ATL3: variants seen among roughly 807,000 people sequenced by gnomAD.
ATL3 encodes atlastin-3.
In ATL3, 49 loss-of-function variants were observed where a neutral mutation model predicts 69.5. That is an observed-to-expected ratio of 0.71 (90% confidence interval 0.56 to 0.89). ATL3 has a LOEUF of 0.89. ATL3 is among the 40% of genes least tolerant of loss of function. ATL3 has a pLI of 0.00. For synonymous variants in ATL3, 214 were observed against 224.1 expected, an observed-to-expected ratio of 0.95 and a Z score of 0.40; for missense variants, 606 against 645.7, an observed-to-expected ratio of 0.94 and a Z score of 0.67.
intron 5 of ATL3, among the ~76,000 whole-genome samples, chr11:63,647,837 TAGAC>T (rs1316949880): frequency 6.6e-6 from 1 of 152,112 alleles, no homozygotes; most frequent in Non-Finnish European, 1.5e-5. Flanking sequence ...GGATGGAAAA[TAGAC>T]AAATGAGAAC....
At chr11:63,630,522 G>A (rs1939276770) in intron 12 of ATL3, among the ~76,000 whole-genome samples, 1 of 151,850 alleles carries the variant, frequency 6.6e-6, no homozygotes, top group South Asian at 2.1e-4. Context: ...TTTGGGCTGG[G>A]CACGGTGGCT....
chr11:63,645,469 G>A (rs1269754812), intron 6 of ATL3, among the ~76,000 whole-genome samples: 1 of 152,022 alleles, frequency 6.6e-6, no homozygotes, highest in African/African-American at 2.4e-5. Flanking sequence ...TAATCCCATT[G>A]ACTGAGGCTG....
In ATL3 at chr11:63,631,022, T is replaced by C. The variant is rs997195989; in HGVS notation, c.1539+18A>G. The C allele has an allele frequency of 6.4e-7, 1 of 1,553,002 alleles. No individual in the cohort carries two copies. The highest frequency in any genetic ancestry group is 2.2e-5 in the East Asian group (1 of 44,660). ...CTGCCCATTATCAACCCTCAGGCTC[T>C]TCAGCAGCACCACTTACCTGCTCCA... On this transcript the variant is annotated intron_variant, in intron 12 of 12. Coordinates refer to ENST00000398868, the MANE Select transcript of ATL3 (RefSeq NM_015459.5).
At chr11:63,654,293 C>A (rs573339267) in intron 3 of ATL3, among the ~76,000 whole-genome samples, 45 of 149,612 alleles carry the variant, frequency 3.0e-4, no homozygotes, top group Non-Finnish European at 5.8e-4. Flanking sequence ...ACTATAGACG[C>A]CCGCCACCAC....
At chr11:63,654,799 C>G in intron 3 of ATL3, among the ~76,000 whole-genome samples, 1 of 149,514 alleles carries the variant, frequency 6.7e-6, no homozygotes, top group Middle Eastern at 3.5e-3. Flanking sequence ...CAGGTTCAAG[C>G]GATTCTCCTG....
At chr11:63,667,719 G>T (rs527668232) in intron 1 of ATL3, among the ~76,000 whole-genome samples, 1 of 150,006 alleles carries the variant, frequency 6.7e-6, no homozygotes, top group Non-Finnish European at 1.5e-5. Flanking sequence ...AGCTGAGATC[G>T]CGCCATTGCA....
intron 3 of ATL3, 55 bp from the exon 4 acceptor site, chr11:63,652,630 T>C (rs1401993597): frequency 7.4e-7 from 1 of 1,348,934 alleles, no homozygotes; most frequent in African/African-American, 1.5e-5. Context: ...GAGGAAACCG[T>C]AAAGGAGAAA....
intron 11 of ATL3, 81 bp downstream of exon 11, chr11:63,632,945 G>A: frequency 7.8e-7 from 1 of 1,289,426 alleles, no homozygotes; most frequent in Non-Finnish European, 1.1e-6. Flanking sequence ...GATACATTAA[G>A]TAGGATCAAG....
At chr11:63,644,673 G>A (rs1939810926) in intron 6 of ATL3, among the ~76,000 whole-genome samples, 1 of 152,100 alleles carries the variant, frequency 6.6e-6, no homozygotes, top group Admixed American at 6.6e-5. Flanking sequence ...TTACAGGTGT[G>A]AGCCACCACA....
At chr11:63,667,679 A>G (rs1940617248) in intron 1 of ATL3, among the ~76,000 whole-genome samples, 1 of 150,986 alleles carries the variant, frequency 6.6e-6, no homozygotes, top group Admixed American at 6.6e-5. Flanking sequence ...CAGGAGAATC[A>G]CTTGAACTTG....
intron 10 of ATL3, among the ~76,000 whole-genome samples, chr11:63,634,380 G>A (rs539584829): frequency 6.9e-4 from 104 of 151,664 alleles, no homozygotes; most frequent in Middle Eastern, 3.4e-3. Flanking sequence ...GGTGGCAGGC[G>A]CCTGCAGTCC....
intron 10 of ATL3, among the ~76,000 whole-genome samples, chr11:63,633,551 T>G (rs1565269116): frequency 1.3e-5 from 2 of 151,884 alleles, no homozygotes; most frequent in Non-Finnish European, 2.9e-5. Flanking sequence ...GCTAACTTTT[T>G]AAGTTTTTGT....
chr11:63,666,620 G>T (rs1003842805), intron 1 of ATL3, among the ~76,000 whole-genome samples: 1 of 151,376 alleles, frequency 6.6e-6, no homozygotes, highest in Non-Finnish European at 1.5e-5. Context: ...AGGCCGAGGG[G>T]GGTGGATCGC....
rs1939049079 is a variant in ATL3, at chr11:63,624,754, TTAGA to T, written c.*4561_*4564del. On this transcript the variant is annotated 3_prime_UTR_variant, in exon 13 of 13. Coordinates refer to ENST00000398868, the MANE Select transcript of ATL3 (RefSeq NM_015459.5). Reference sequence around the variant, plus strand: ...ATGGAGAAAAACAGCTTTAAAGAGCTTAGATAATCCTCTGAATTAAAGGCATTCT... The same window carrying T: ...ATGGAGAAAAACAGCTTTAAAGAGCTTAATCCTCTGAATTAAAGGCATTCT... 6.6e-6 allele frequency: 1 copy of T among 152,186 alleles called. No homozygotes were observed. Among genetic ancestry groups the T allele is most frequent in the Non-Finnish European group, 1.5e-5 (1 of 68,028 alleles). 9.4% of individuals were successfully genotyped at this position (152,186 alleles called of 1,614,324 possible). A position where few individuals can be genotyped will look rare whatever the true frequency, so the allele number is the denominator to read the frequency against.
rs1255319090 is a variant in ATL3, at chr11:63,643,462, C to T, written c.745G>A (p.Val249Ile). 4.3e-6 allele frequency: 7 copies of T among 1,612,558 alleles called. No homozygotes were observed. The highest frequency in any genetic ancestry group is 5.9e-6 in the Non-Finnish European group (7 of 1,179,322). Residue 249 changes from valine (V) to isoleucine (I), a missense_variant, in exon 8 of 13, where the codon GTT (valine) becomes ATT (isoleucine). Transcript: ENST00000398868. ...AAACATGAGTGAATGTGATTTCGAA[C>T]ATTCTGAATTTCTTCATGTTGATGT... is the stretch of plus-strand genomic sequence containing the variant. ...KEHQHEEIQN[V>I]RNHIHSCFSD...
At chr11:63,656,203 G>A (rs1210233141) in intron 3 of ATL3, among the ~76,000 whole-genome samples, 3 of 146,276 alleles carry the variant, frequency 2.1e-5, no homozygotes, top group Non-Finnish European at 4.5e-5. Flanking sequence ...CAGCCTGGGC[G>A]ACACAGTGAG....
intron 10 of ATL3, among the ~76,000 whole-genome samples, chr11:63,634,972 G>T (rs1355373064): frequency 1.3e-5 from 2 of 151,732 alleles, no homozygotes; most frequent in Non-Finnish European, 2.9e-5. Flanking sequence ...GACCAGCCTG[G>T]GCAACATGGC....
intron 1 of ATL3, among the ~76,000 whole-genome samples, chr11:63,660,462 A>G (rs1272084369): frequency 2.0e-5 from 3 of 152,226 alleles, no homozygotes; most frequent in African/African-American, 7.2e-5. Flanking sequence ...ATTCTCACAC[A>G]TTCTGATAGG....
rs991880324 is a variant in ATL3 at position 63,648,146 on chromosome 11, C to T, written c.562-1583G>A. Among the ~76,000 whole-genome samples the T allele has an allele frequency of 3.3e-5, 5 of 152,220 alleles. No homozygotes were observed. In the South Asian group the frequency reaches 6.2e-4, roughly 19 times the overall value. The stretch of plus-strand genomic sequence containing the variant: ...AGATAAATCCAAAAAAAAATCTAGA[C>T]TTAGATACCAAACTCAGCTGAGGTT... On this transcript the variant is annotated intron_variant, in intron 5 of 12. Transcript: ENST00000398868.
Sources: allele counts gnomAD v4.1 joint callset (sites outside exome capture counted in the v4.1 genomes callset), GRCh38; gene constraint gnomAD v4.1.1; transcripts MANE v1.5; gene names NCBI Gene and HGNC (gene_info 2026-07-23, HGNC 2026-07-21).